The following QTMAN variants were observed in gnomAD, a reference collection of about 807,000 sequenced individuals.
QTMAN encodes queuosine-tRNA mannosyltransferase, also known as tRNA-queuosine alpha-mannosyltransferase.
At chr2:144,107,379 G>A in the QTMAN span, among the ~76,000 whole-genome samples, 40 of 151,790 alleles carry the variant, frequency 2.6e-4, no homozygotes, top group African/African-American at 9.7e-4. Context: ...TAAAGAAGAA[G>A]AGAGAAGAAT....
chr2:144,322,442 A>G, the QTMAN span, among the ~76,000 whole-genome samples: 12 of 152,194 alleles, frequency 7.9e-5, no homozygotes, highest in Non-Finnish European at 1.6e-4. Context: ...AAAACAGAAA[A>G]AAGCTTTCAA....
At chr2:144,268,922 T>G in the QTMAN span, among the ~76,000 whole-genome samples, 9 of 152,148 alleles carry the variant, frequency 5.9e-5, no homozygotes, top group African/African-American at 1.4e-4. Context: ...CCCGAGTAGC[T>G]GGGATTACAG....
the QTMAN span, among the ~76,000 whole-genome samples, chr2:144,079,962 A>C: frequency 6.6e-6 from 1 of 152,112 alleles, no homozygotes; most frequent in Non-Finnish European, 1.5e-5. Flanking sequence ...ATTTAGACTT[A>C]AAGTCATGCT....
chr2:144,081,913 G>C, the QTMAN span, among the ~76,000 whole-genome samples: 1 of 151,948 alleles, frequency 6.6e-6, no homozygotes, highest in Non-Finnish European at 1.5e-5. Flanking sequence ...TTAAGACAGA[G>C]TCTCACTCCT....
chr2:144,078,683 T>C, the QTMAN span, among the ~76,000 whole-genome samples: 1 of 152,182 alleles, frequency 6.6e-6, no homozygotes, highest in Non-Finnish European at 1.5e-5. Context: ...ACAGATAATA[T>C]TGACCAGCTG....
At chr2:143,999,505 G>A in the QTMAN span, among the ~76,000 whole-genome samples, 11 of 151,760 alleles carry the variant, frequency 7.2e-5, no homozygotes, top group African/African-American at 1.5e-4. Context: ...CTTAGTGACC[G>A]GAAAGGAGAA....
the QTMAN span, among the ~76,000 whole-genome samples, chr2:144,283,799 A>G: frequency 6.6e-6 from 1 of 152,140 alleles, no homozygotes; most frequent in Non-Finnish European, 1.5e-5. Flanking sequence ...AAAAATGAGA[A>G]CTACCATCCA....
the QTMAN span, among the ~76,000 whole-genome samples, chr2:143,991,927 G>A: frequency 4.4e-4 from 66 of 149,034 alleles, no homozygotes; most frequent in Non-Finnish European, 8.5e-4. Context: ...TCAGCCCCCC[G>A]CCCGGCCAGC....
the QTMAN span, among the ~76,000 whole-genome samples, chr2:144,010,265 G>A: frequency 2.0e-5 from 3 of 152,112 alleles, no homozygotes; most frequent in African/African-American, 7.2e-5. Flanking sequence ...GAATTTAGCT[G>A]TGGGCAAGGG....
the QTMAN span, among the ~76,000 whole-genome samples, chr2:143,958,179 G>C: frequency 7.9e-5 from 12 of 152,140 alleles, no homozygotes; most frequent in East Asian, 2.3e-3. Flanking sequence ...TTAGTTCAAA[G>C]GAAATCTGAA....
At chr2:144,045,974 T>C in the QTMAN span, among the ~76,000 whole-genome samples, 1 of 152,210 alleles carries the variant, frequency 6.6e-6, no homozygotes, top group Non-Finnish European at 1.5e-5. Context: ...TTTGAAATAA[T>C]CAAATCTGAT....
the QTMAN span, among the ~76,000 whole-genome samples, chr2:144,099,626 C>T: frequency 6.6e-6 from 1 of 152,146 alleles, no homozygotes; most frequent in Non-Finnish European, 1.5e-5. Context: ...ACATTGTATG[C>T]TTCATTAAAT....
At chr2:144,307,159 TAAAAA>T in the QTMAN span, among the ~76,000 whole-genome samples, 45 of 40,448 alleles carry the variant, frequency 1.1e-3, no homozygotes, top group Middle Eastern at 0.029. Flanking sequence ...GACTCCGTCT[TAAAAA>T]AAAAAAAAAA....
chr2:143,997,877 C>T, the QTMAN span, among the ~76,000 whole-genome samples: 1 of 152,044 alleles, frequency 6.6e-6, no homozygotes, highest in South Asian at 2.1e-4. Flanking sequence ...CCAGTAATGA[C>T]CTAGTTCTCC....
chr2:144,282,598 T>C, the QTMAN span, among the ~76,000 whole-genome samples: 2 of 152,132 alleles, frequency 1.3e-5, no homozygotes, highest in Non-Finnish European at 2.9e-5. Flanking sequence ...TATAAAGTTC[T>C]ATTTAAGAAA....
At chr2:144,231,318 C>A in the QTMAN span, among the ~76,000 whole-genome samples, 1 of 152,040 alleles carries the variant, frequency 6.6e-6, no homozygotes, top group Non-Finnish European at 1.5e-5. Context: ...TATTGACATT[C>A]AAATGAAATG....
At chr2:144,032,632 G>A in the QTMAN span, among the ~76,000 whole-genome samples, 1 of 152,174 alleles carries the variant, frequency 6.6e-6, no homozygotes, top group South Asian at 2.1e-4. Context: ...ATGTGGTTTG[G>A]TAACAGACAT....
chr2:144,259,843 C>T, the QTMAN span, among the ~76,000 whole-genome samples: 1 of 151,766 alleles, frequency 6.6e-6, no homozygotes, highest in Admixed American at 6.5e-5. Flanking sequence ...CCACACCTCT[C>T]AGGATTTTAG....
chr2:144,250,781 A>G, the QTMAN span, among the ~76,000 whole-genome samples: 3 of 149,110 alleles, frequency 2.0e-5, no homozygotes, highest in Middle Eastern at 3.2e-3. Flanking sequence ...AACCTGTGCC[A>G]TGTATTTATT....
Sources: gnomAD v4.1 joint callset for allele counts (sites outside exome capture counted in the v4.1 genomes callset) on GRCh38, gnomAD v4.1.1 for gene constraint, MANE v1.5 for transcripts, NCBI Gene and HGNC (gene_info 2026-07-23, HGNC 2026-07-21) for gene names.